COX7B2: variants seen among roughly 807,000 people sequenced by gnomAD.
COX7B2 encodes cytochrome c oxidase subunit 7B2, mitochondrial.
For missense variants in COX7B2, 109 were observed against 95.9 expected (o/e 1.14, Z -0.57); for synonymous variants, 37 against 32.1 (o/e 1.15, Z -0.51).
In COX7B2 at chr4:46,735,096, C is replaced by A; in HGVS notation, c.97G>T (p.Asp33Tyr). 1.9e-6 allele frequency: 3 copies of A among 1,613,998 alleles called. No individual in the cohort carries two copies. Among genetic ancestry groups the A allele is most frequent in the Non-Finnish European group, 2.5e-6 (3 of 1,179,948 alleles). The stretch of plus-strand genomic sequence containing the variant: ...GCATTACCATATTTATCATGAAAAT[C>A]TGGTGAGTGTTTTACATGGCTATGT... Reference protein sequence around the residue: ...ARHSHVKHSPDFHDKYGNAVL... With the variant: ...ARHSHVKHSPYFHDKYGNAVL... Residue 33 changes from aspartate to tyrosine, a missense_variant, in exon 3 of 3, where the codon GAT becomes TAT. Asp to Tyr is a radical substitution (Grantham distance 160). Transcript: ENST00000355591.
At chr4:46,796,338 G>A (rs1468942979) in intron 2 of COX7B2, among the ~76,000 whole-genome samples, 7 of 149,390 alleles carry the variant, frequency 4.7e-5, no homozygotes, top group Admixed American at 4.0e-4. Context: ...AACACATGAA[G>A]AAATGCTCAT....
chr4:46,781,848 G>C (rs536035951), intron 2 of COX7B2, among the ~76,000 whole-genome samples: 275 of 152,322 alleles, frequency 1.8e-3, no homozygotes, highest in Non-Finnish European at 2.6e-3. Context: ...GGATGTGCGG[G>C]GTCCCTCAGC....
In COX7B2 at chr4:46,852,972, T is replaced by TG. The variant is rs1716784843; in HGVS notation, c.-104-7959dup. 3.9e-5 allele frequency among the ~76,000 whole-genome samples: 6 copies of TG among 152,324 alleles called. No individual in the cohort carries two copies. In the South Asian group the frequency reaches 1.2e-3, roughly 32 times the overall value. ...GTGTGCCTTACAGAGAACATATGTA[T>TG]GTTAGATAAGCTTCCTTTAGGCATA... On this transcript the variant is annotated intron_variant, in intron 1 of 2. Transcript: ENST00000355591.
At chr4:46,838,248 GA>G (rs201638425) in intron 2 of COX7B2, among the ~76,000 whole-genome samples, 9 of 150,724 alleles carry the variant, frequency 6.0e-5, no homozygotes, top group South Asian at 4.2e-4. Flanking sequence ...CACTTTAAAA[GA>G]AAAAAAAATC....
intron 2 of COX7B2, among the ~76,000 whole-genome samples, chr4:46,815,011 C>T (rs1404226574): frequency 6.6e-6 from 1 of 151,902 alleles, no homozygotes; most frequent in East Asian, 1.9e-4. Flanking sequence ...CACGGCGAAA[C>T]CCCGTCTCTA....
chr4:46,771,748 C>G (rs1335690490), intron 2 of COX7B2, among the ~76,000 whole-genome samples: 1 of 151,902 alleles, frequency 6.6e-6, no homozygotes, highest in Non-Finnish European at 1.5e-5. Context: ...AAAATCCAAC[C>G]CCCCCACAAC....
intron 2 of COX7B2, among the ~76,000 whole-genome samples, chr4:46,808,125 T>G (rs2109652024): frequency 6.6e-6 from 1 of 151,992 alleles, no homozygotes; most frequent in South Asian, 2.1e-4. Flanking sequence ...CTATGAATAT[T>G]TCAACAATAT....
intron 2 of COX7B2, among the ~76,000 whole-genome samples, chr4:46,740,154 A>AG (rs1714617789): frequency 6.6e-6 from 1 of 152,080 alleles, no homozygotes; most frequent in African/African-American, 2.4e-5. Context: ...GGGTTAATGC[A>AG]AAAAGAATGG....
chr4:46,841,161 A>G (rs1715899109), intron 2 of COX7B2, among the ~76,000 whole-genome samples: 1 of 151,974 alleles, frequency 6.6e-6, no homozygotes, highest in Non-Finnish European at 1.5e-5. Flanking sequence ...TATTAGTTCT[A>G]TGCCTCAGAA....
intron 1 of COX7B2, among the ~76,000 whole-genome samples, chr4:46,861,388 C>T (rs1178070954): frequency 6.6e-6 from 1 of 152,110 alleles, no homozygotes; most frequent in African/African-American, 2.4e-5. Context: ...GAGAAAATAA[C>T]GGAGATTTCG....
At chr4:46,810,876 A>C (rs1047026359) in intron 2 of COX7B2, among the ~76,000 whole-genome samples, 4 of 152,092 alleles carry the variant, frequency 2.6e-5, no homozygotes, top group Admixed American at 2.6e-4. Flanking sequence ...TCAAAGAAGT[A>C]TTTCTCCTTT....
intron 2 of COX7B2, among the ~76,000 whole-genome samples, chr4:46,775,408 T>C (rs1033853759): frequency 6.6e-6 from 1 of 152,134 alleles, no homozygotes; most frequent in Non-Finnish European, 1.5e-5. Flanking sequence ...TCTTTCATCA[T>C]GGAAAACAGA....
chr4:46,820,834 A>ATATAT (rs1553889360), intron 2 of COX7B2, among the ~76,000 whole-genome samples: 5 of 129,222 alleles, frequency 3.9e-5, no homozygotes, highest in East Asian at 4.6e-4. Flanking sequence ...AAAAAAAAAA[A>ATATAT]ATATATATAT....
chr4:46,908,114 C>A (rs1162655894), intron 1 of COX7B2, among the ~76,000 whole-genome samples: 1 of 151,858 alleles, frequency 6.6e-6, no homozygotes, highest in Non-Finnish European at 1.5e-5. Context: ...GCCTCCCAAA[C>A]TGCTGGGATT....
At position 46,735,223 on chromosome 4, in the gene COX7B2, C is replaced by A; in HGVS notation, c.-31G>T. Reference sequence around the variant, plus strand: ...ATTGCAGTTGCCTTCAGCTACTGGTCTATTTTGTTGCAAAGAGGCTGGAAA... The same window carrying A: ...ATTGCAGTTGCCTTCAGCTACTGGTATATTTTGTTGCAAAGAGGCTGGAAA... On this transcript the variant is annotated 5_prime_UTR_variant, in exon 3 of 3. Transcript: ENST00000355591. 2 of 1,610,626 alleles carry A rather than the reference C, an allele frequency of 1.2e-6. No homozygotes were observed. The highest frequency in any genetic ancestry group is 2.2e-5 in the South Asian group (2 of 90,276).
chr4:46,837,797 C>T (rs1202768621), intron 2 of COX7B2, among the ~76,000 whole-genome samples: 1 of 151,940 alleles, frequency 6.6e-6, no homozygotes, highest in Non-Finnish European at 1.5e-5. Context: ...TCCTATACTG[C>T]CTTATGCTGT....
intron 1 of COX7B2, among the ~76,000 whole-genome samples, chr4:46,907,162 A>G (rs1197513158): frequency 6.6e-6 from 1 of 151,966 alleles, no homozygotes; most frequent in Non-Finnish European, 1.5e-5. Context: ...TAACAACTAA[A>G]CTCTTAAACT....
intron 2 of COX7B2, among the ~76,000 whole-genome samples, chr4:46,736,041 A>C (rs1187583823): frequency 6.6e-6 from 1 of 152,166 alleles, no homozygotes; most frequent in Non-Finnish European, 1.5e-5. Context: ...CAAAGTCCAT[A>C]GTTTACATGA....
At chr4:46,895,589 A>T (rs1334911287) in intron 1 of COX7B2, among the ~76,000 whole-genome samples, 2 of 152,190 alleles carry the variant, frequency 1.3e-5, no homozygotes, top group Non-Finnish European at 2.9e-5. Flanking sequence ...ACAAATCCGC[A>T]TGACGCTAGT....
Sources: gnomAD v4.1 joint callset for allele counts (sites outside exome capture counted in the v4.1 genomes callset) on GRCh38, gnomAD v4.1.1 for gene constraint, MANE v1.5 for transcripts, NCBI Gene and HGNC (gene_info 2026-07-23, HGNC 2026-07-21) for gene names.